PES1: variants seen among roughly 807,000 people sequenced by gnomAD.
The protein encoded by PES1 is pescadillo homolog.
In PES1, 31 loss-of-function variants were observed where a neutral mutation model predicts 77.1. That is an observed-to-expected ratio of 0.40 (90% CI 0.30 to 0.54). PES1 has a LOEUF of 0.54. Among genes scored for constraint, PES1 ranks in the 20% least tolerant of loss-of-function variants. The pLI is 0.45. For synonymous variants in PES1, 282 were observed against 303.0 expected, an observed-to-expected ratio of 0.93 and a Z score of 0.72; for missense variants, 658 against 771.7, an observed-to-expected ratio of 0.85 and a Z score of 1.75.
At chr22:30,591,986 A>T, upstream of PES1, 1 of 1,380,690 alleles carries the variant, frequency 7.2e-7, no homozygotes, top group Non-Finnish European at 9.3e-7. Flanking sequence ...GTCCAGGGAA[A>T]GATGGGGATT....
intron 14 of PES1, among the ~76,000 whole-genome samples, chr22:30,577,660 CT>C (rs543875967): frequency 2.3e-4 from 34 of 148,370 alleles, no homozygotes; most frequent in Admixed American, 6.7e-4. Flanking sequence ...GTAGCCCTTT[CT>C]TTTTTTTTTT....
intron 2 of PES1, among the ~76,000 whole-genome samples, chr22:30,601,238 T>C (rs2087349830): frequency 6.6e-6 from 1 of 152,112 alleles, no homozygotes; most frequent in African/African-American, 2.4e-5. Context: ...ACAGCTGGTA[T>C]TGTTAGACAG....
At chr22:30,577,208 C>T in intron 14 of PES1, 79 bp from the exon 15 acceptor site, 1 of 1,196,756 alleles carries the variant, frequency 8.4e-7, no homozygotes, top group Non-Finnish European at 1.2e-6. Context: ...AAGCTATATC[C>T]CTTAAAAGCA....
At chr22:30,599,487 ATAAG>A (rs1277348669) in intron 2 of PES1, among the ~76,000 whole-genome samples, 5 of 152,240 alleles carry the variant, frequency 3.3e-5, no homozygotes, top group Non-Finnish European at 7.3e-5. Flanking sequence ...TATCAACAAA[ATAAG>A]TACGTATTTT....
At chr22:30,599,558 A>T (rs2087322741) in intron 2 of PES1, among the ~76,000 whole-genome samples, 1 of 152,220 alleles carries the variant, frequency 6.6e-6, no homozygotes, top group African/African-American at 2.4e-5. Flanking sequence ...AAATTTAATG[A>T]TTACCTTTGT....
intron 2 of PES1, among the ~76,000 whole-genome samples, chr22:30,602,442 T>TTTTTTTG (rs1249826611): frequency 6.6e-6 from 1 of 151,532 alleles, no homozygotes; most frequent in Non-Finnish European, 1.5e-5. Flanking sequence ...CTAATACTTT[T>TTTTTTTG]TTTTTTTTGA....
upstream of PES1, among the ~76,000 whole-genome samples, chr22:30,595,888 T>A (rs550673503): frequency 6.6e-6 from 1 of 152,208 alleles, no homozygotes; most frequent in South Asian, 2.1e-4. Flanking sequence ...TCTCAAAGGG[T>A]CACCTGGGTA....
At chr22:30,581,142 T>C (rs762360776) in intron 8 of PES1, 41 bp from the exon 9 acceptor site, 3 of 1,524,354 alleles carry the variant, frequency 2.0e-6, no homozygotes, top group South Asian at 2.4e-5. Flanking sequence ...GGGGACCTCA[T>C]GCGGGCATGT....
intron 2 of PES1, chr22:30,601,858 T>G (rs2087359672): frequency 6.6e-6 from 1 of 151,756 alleles, no homozygotes; most frequent in Middle Eastern, 3.2e-3. Context: ...CTACAATCTC[T>G]GCTTCCCAGG....
chr22:30,581,451 G>T, intron 7 of PES1, 43 bp from the exon 8 acceptor site: 1 of 1,609,006 alleles, frequency 6.2e-7, no homozygotes, highest in Non-Finnish European at 8.5e-7. Context: ...GACAGCCACA[G>T]CCCCTCGCCT....
At chr22:30,597,622 A>C (rs973640745) in intron 2 of PES1, among the ~76,000 whole-genome samples, 1 of 151,606 alleles carries the variant, frequency 6.6e-6, no homozygotes, top group Non-Finnish European at 1.5e-5. Context: ...GGGTTTGTAA[A>C]TACACCAATT....
chr22:30,603,241 C>T (rs994918392), intron 2 of PES1, among the ~76,000 whole-genome samples: 1 of 152,014 alleles, frequency 6.6e-6, no homozygotes, highest in Non-Finnish European at 1.5e-5. Flanking sequence ...TCACAGGCCC[C>T]CTAAAAGGTT....
At chr22:30,580,510 C>A in intron 10 of PES1, 61 bp downstream of exon 10, 1 of 1,596,348 alleles carries the variant, frequency 6.3e-7, no homozygotes, top group Non-Finnish European at 8.6e-7. Context: ...GGCACCAGGG[C>A]AGGACCCAGA....
chr22:30,580,501 G>T, intron 10 of PES1, 70 bp downstream of exon 10: 1 of 1,573,030 alleles, frequency 6.4e-7, no homozygotes. Context: ...TTACCGATGG[G>T]CACCAGGGCA....
chr22:30,600,992 A>G (rs757382952), intron 2 of PES1, among the ~76,000 whole-genome samples: 2 of 152,252 alleles, frequency 1.3e-5, no homozygotes, highest in African/African-American at 2.4e-5. Context: ...TTTGTGGATC[A>G]GTTTGTAGCT....
At chr22:30,606,828 C>G (rs1369727971) in exon 1 of PES1, 6 of 1,004,068 alleles carry the variant, frequency 6.0e-6, no homozygotes, top group Non-Finnish European at 7.1e-6. Flanking sequence ...GCAGCTGCAG[C>G]TCCCGTTCCA....
At chr22:30,595,223 A>G (rs1464716850), upstream of PES1, among the ~76,000 whole-genome samples, 3 of 152,140 alleles carry the variant, frequency 2.0e-5, no homozygotes, top group East Asian at 5.8e-4. Context: ...TCAGAATCCA[A>G]GATCTCCTGC....
intron 14 of PES1, among the ~76,000 whole-genome samples, chr22:30,578,240 C>G (rs956969298): frequency 1.4e-4 from 21 of 152,176 alleles, no homozygotes; most frequent in Admixed American, 1.0e-3. Context: ...AGAGATTGCT[C>G]CACTGCACTC....
rs560975970 is a variant in PES1 at position 30,589,208 on chromosome 22, C to T, written c.87G>A (p.Leu29=). The change falls in exon 2 of 15, where the codon CTG becomes CTA. Residue 29 remains leucine (L), a synonymous_variant. Transcript: ENST00000354694. ...ATATTCACCTAAAGTCAGCCAAGCT[C>T]AGCTGGAGCTTCTTCCGGGCTTTGT... ...TRNKARKKLQ[L]SLADFRRLCI... 6.2e-7 allele frequency: 1 copy of T among 1,613,978 alleles called. No homozygotes were observed. Among genetic ancestry groups the T allele is most frequent in the Admixed American group, 1.7e-5 (1 of 59,994 alleles).
Sources: gnomAD v4.1 joint callset for allele counts (sites outside exome capture counted in the v4.1 genomes callset) on GRCh38, gnomAD v4.1.1 for gene constraint, MANE v1.5 for transcripts, NCBI Gene and HGNC (gene_info 2026-07-23, HGNC 2026-07-21) for gene names.